The following PLCG2 variants were observed in gnomAD, a reference collection of about 807,000 sequenced individuals.
The protein encoded by PLCG2 is phospholipase C gamma 2.
Under a neutral mutation model 175.6 loss-of-function variants are expected in PLCG2, and 69 were observed. The observed-to-expected ratio is 0.39, with a 90% CI of 0.32 to 0.48. The LOEUF is 0.48. Ranked by LOEUF, PLCG2 falls within the 20% of genes least tolerant of loss-of-function variation. The pLI is 0.91. For synonymous variants in PLCG2, 827 were observed against 624.0 expected, an observed-to-expected ratio of 1.33 and a Z score of -4.85; for missense variants, 1,798 against 1,650.9, an observed-to-expected ratio of 1.09 and a Z score of -1.54.
intron 14 of PLCG2, among the ~76,000 whole-genome samples, chr16:81,901,572 C>T (rs1036321809): frequency 4.6e-5 from 7 of 152,248 alleles, no homozygotes; most frequent in South Asian, 2.1e-4. Context: ...CAGAGGGGCA[C>T]GTGAACTTCA....
intron 24 of PLCG2, among the ~76,000 whole-genome samples, chr16:81,929,925 G>T (rs1313267136): frequency 1.3e-5 from 2 of 152,240 alleles, no homozygotes; most frequent in African/African-American, 4.8e-5. Context: ...AGAGGCACAT[G>T]GCTCATTGGT....
rs146904035 is a variant in PLCG2 at position 81,926,484 on chromosome 16, T to C, written c.2418-598T>C. ...TGGATTATGTCCCGTGTTGTTAGTGTTGTTATAAAGATAGGGAACAATGTT... is the reference window on the plus strand; with the variant it reads ...TGGATTATGTCCCGTGTTGTTAGTGCTGTTATAAAGATAGGGAACAATGTT... On this transcript the variant is annotated intron_variant, in intron 22 of 32. Coordinates refer to ENST00000564138, the MANE Select transcript of PLCG2 (RefSeq NM_002661.5). Among the ~76,000 whole-genome samples the C allele has an allele frequency of 7.0e-3, 1,065 of 152,342 alleles. 4 individuals carry two copies. Among genetic ancestry groups the C allele is most frequent in the Non-Finnish European group, 0.011 (771 of 68,032 alleles).
intron 2 of PLCG2, among the ~76,000 whole-genome samples, chr16:81,818,634 C>T (rs1904656305): frequency 6.6e-6 from 1 of 152,062 alleles, no homozygotes; most frequent in African/African-American, 2.4e-5. Context: ...AGGACAGAGC[C>T]AACTAGCCGG....
rs11864384 is a variant in PLCG2, at chr16:81,927,932, G to C, written c.2515-626G>C. 4.7e-3 allele frequency among the ~76,000 whole-genome samples: 713 copies of C among 152,272 alleles called. 8 individuals are homozygous for C. Among genetic ancestry groups the C allele is most frequent in the African/African-American group, 0.016 (678 of 41,532 alleles). On this transcript the variant is annotated intron_variant, in intron 23 of 32. Coordinates refer to ENST00000564138, the MANE Select transcript of PLCG2 (RefSeq NM_002661.5). ...GAGACTGGAAGCCCTTGCTTCCTCT[G>C]TACTGAGTTGCCCTTACCTGTACAT...
rs893586201 is a variant in PLCG2 at position 81,939,793 on chromosome 16, TG to T, written c.3314-97del. Reference sequence around the variant, plus strand: ...TGGCATAGATGCATATTTATTTACATGGTTGCTAAGGGGATTCACAGCTGAA... The same window carrying T: ...TGGCATAGATGCATATTTATTTACATGTTGCTAAGGGGATTCACAGCTGAA... On this transcript the variant is annotated intron_variant, in intron 29 of 32. Transcript: ENST00000564138. 6.6e-6 allele frequency: 5 copies of T among 752,826 alleles called. No individual in the cohort carries two copies. The African/African-American group carries it at 8.7e-5, about 13-fold the overall frequency. 46.6% of individuals were successfully genotyped at this position (752,826 alleles called of 1,614,324 possible).
chr16:81,877,592 T>A (rs1907862765), intron 7 of PLCG2, among the ~76,000 whole-genome samples: 1 of 152,200 alleles, frequency 6.6e-6, no homozygotes, highest in Non-Finnish European at 1.5e-5. Flanking sequence ...CTTTCATGGC[T>A]TCTAGTGGCT....
intron 2 of PLCG2, among the ~76,000 whole-genome samples, chr16:81,807,332 A>C (rs79256102): frequency 0.1 from 15,677 of 152,186 alleles, 855 homozygotes; most frequent in South Asian, 0.14. Context: ...CATCTCTGCG[A>C]GGAGGGCACT....
chr16:81,932,476 C>A lies in PLCG2; in HGVS notation c.2739+822C>A, dbSNP rs1202343164. Among the ~76,000 whole-genome samples the A allele has an allele frequency of 2.0e-5, 3 of 152,194 alleles. No homozygotes were observed. The South Asian group carries it at 6.2e-4, about 31-fold the overall frequency. On this transcript the variant is annotated intron_variant, in intron 25 of 32. Transcript: ENST00000564138. Reference sequence around the variant, plus strand: ...AAGAAATTGTAGGGTTTCCCATGCACCCATTTGTTTCTAAGGTAGAACTTG... The same window carrying A: ...AAGAAATTGTAGGGTTTCCCATGCAACCATTTGTTTCTAAGGTAGAACTTG...
At chr16:81,873,502 C>G (rs141414476) in intron 7 of PLCG2, among the ~76,000 whole-genome samples, 59 of 151,578 alleles carry the variant, frequency 3.9e-4, no homozygotes, top group Non-Finnish European at 5.4e-4. Context: ...ATGCAATTGA[C>G]CAGGATTGAG....
intron 2 of PLCG2, among the ~76,000 whole-genome samples, chr16:81,774,177 CAAAAA>C (rs57503150): frequency 9.9e-5 from 4 of 40,544 alleles, no homozygotes; most frequent in East Asian, 1.9e-3. Flanking sequence ...ACTAAAAATA[CAAAAA>C]AAAAAAAAAA....
chr16:81,910,597 A>G lies in PLCG2; in HGVS notation c.1811A>G (p.Asn604Ser), dbSNP rs755757354. 3 of 1,613,864 alleles carry G rather than the reference A, an allele frequency of 1.9e-6. No homozygotes were observed. The highest frequency in any genetic ancestry group is 2.2e-5 in the South Asian group (2 of 91,076). The change falls in exon 18 of 33, where the codon AAC becomes AGC. Residue 604 changes from asparagine (N) to serine (S), a missense_variant. Physicochemically the swap from Asn to Ser is conservative, Grantham distance 46 (BLOSUM62 1). Transcript: ENST00000564138. ...GGTLKYYLTD[N>S]LTFSSIYALI... is the part of the protein sequence containing the mutation. ...ACCCTGAAATACTACTTGACTGACA[A>G]CCTCACCTTCAGCAGCATCTATGCC...
intron 9 of PLCG2, chr16:81,883,636 C>A: frequency 2.2e-6 from 1 of 457,612 alleles, no homozygotes; most frequent in South Asian, 2.3e-5. Flanking sequence ...GGGGTGAGGG[C>A]CTGAGGATGG....
In PLCG2 at chr16:81,912,727, G is replaced by C. The variant is rs372245323; in HGVS notation, c.2054+11G>C. ...TGCCATCACCTTCAGGTGGGTGCGA[G>C]GGTGGGAGGCACATGCTCTACAGAG... On this transcript the variant is annotated intron_variant, in intron 19 of 32. Transcript: ENST00000564138. 8.0e-5 allele frequency: 127 copies of C among 1,589,100 alleles called. No homozygotes were observed. In the African/African-American group the frequency reaches 1.3e-3, roughly 16 times the overall value.
chr16:81,899,632 G>A (rs548782619), intron 13 of PLCG2, among the ~76,000 whole-genome samples: 21 of 152,254 alleles, frequency 1.4e-4, no homozygotes, highest in African/African-American at 5.1e-4. Flanking sequence ...TGTTTTTCCT[G>A]TTTTTGAGCT....
intron 2 of PLCG2, among the ~76,000 whole-genome samples, chr16:81,844,420 C>CA (rs569198641): frequency 1.5e-3 from 229 of 152,198 alleles, no homozygotes; most frequent in Non-Finnish European, 2.7e-3. Context: ...ACAATGGGTT[C>CA]AAGTGATTCT....
rs555138376 is a variant in PLCG2, at chr16:81,759,069, C to T, written c.-48+3103C>T. Among the ~76,000 whole-genome samples, 12 of 152,294 alleles carry T rather than the reference C, an allele frequency of 7.9e-5. No homozygotes were observed. In the South Asian group the frequency reaches 8.3e-4, roughly 11 times the overall value. ...TTACATTTCCCAGGAAGTATCTTTACGTGTTATTATCAGTCATTTGTATAT... is the reference window on the plus strand; with the variant it reads ...TTACATTTCCCAGGAAGTATCTTTATGTGTTATTATCAGTCATTTGTATAT... On this transcript the variant is annotated intron_variant, in intron 2 of 5. Transcript: ENST00000565054.
At chr16:81,881,157 AG>A (rs1908060463) in intron 8 of PLCG2, among the ~76,000 whole-genome samples, 1 of 152,184 alleles carries the variant, frequency 6.6e-6, no homozygotes, top group Non-Finnish European at 1.5e-5. Flanking sequence ...GAGCACTGGG[AG>A]GATGGTCCAG....
At position 81,923,547 on chromosome 16, in the gene PLCG2, C is replaced by T. The variant is rs1910141447; in HGVS notation, c.2370C>T (p.Phe790=). 1 of 1,613,758 alleles carries T rather than the reference C, an allele frequency of 6.2e-7. No homozygotes were observed. Among genetic ancestry groups the T allele is most frequent in the Non-Finnish European group, 8.5e-7 (1 of 1,179,818 alleles). ...YKAKRSDELS[F]CRGALIHNVS... The stretch of plus-strand genomic sequence containing the variant: ...CCAAGCGAAGCGATGAGCTGAGCTT[C>T]TGCCGTGGTGCCCTCATCCACAATG... The change falls in exon 22 of 33, where the codon TTC becomes TTT. Residue 790 remains phenylalanine (F), a synonymous_variant. Coordinates refer to ENST00000564138, the MANE Select transcript of PLCG2 (RefSeq NM_002661.5).
At chr16:81,848,852 G>T (rs1055389442) in intron 2 of PLCG2, among the ~76,000 whole-genome samples, 1 of 152,182 alleles carries the variant, frequency 6.6e-6, no homozygotes, top group South Asian at 2.1e-4. Flanking sequence ...ATTTGCCTCT[G>T]TTGAGTGCTG....
Sources: gnomAD v4.1 joint callset for allele counts (sites outside exome capture counted in the v4.1 genomes callset) on GRCh38, gnomAD v4.1.1 for gene constraint, MANE v1.5 for transcripts, NCBI Gene and HGNC (gene_info 2026-07-23, HGNC 2026-07-21) for gene names.